The following PTPRT variants were observed in gnomAD, a reference collection of about 807,000 sequenced individuals.
PTPRT encodes the protein protein tyrosine phosphatase receptor type T.
A neutral mutation model predicts 176.8 loss-of-function variants in PTPRT; 56 were observed. The ratio of observed to expected loss-of-function variants is 0.32; its 90% CI spans 0.26 to 0.40. The LOEUF is 0.40. PTPRT is among the 10% of genes least tolerant of loss of function. PTPRT has a pLI of 1.00. For synonymous variants in PTPRT, 783 were observed against 739.0 expected (o/e 1.06, Z -0.96); for missense variants, 1,540 against 1,908.2 (o/e 0.81, Z 3.60).
Position 42,651,829 on chromosome 20 carries a change from C to G in PTPRT, c.1153+26037G>C, listed in dbSNP as rs1285374254. 2.0e-5 allele frequency among the ~76,000 whole-genome samples: 3 copies of G among 152,142 alleles called. No individual in the cohort carries two copies. The East Asian group carries it at 5.8e-4, about 29-fold the overall frequency. ...TGGGAGGCTGAGGTGGGTGGATCAT[C>G]TGAGGTCAGGAGTTCAAGATCAGCC... On this transcript the variant is annotated intron_variant, in intron 7 of 30. Transcript: ENST00000373187.
intron 11 of PTPRT, among the ~76,000 whole-genome samples, chr20:42,320,125 C>T (rs891665958): frequency 6.6e-6 from 1 of 152,154 alleles, no homozygotes; most frequent in African/African-American, 2.4e-5. Flanking sequence ...AAGAGTTATA[C>T]TGTGCCCCCA....
At chr20:42,340,584 C>T (rs532118189) in intron 11 of PTPRT, among the ~76,000 whole-genome samples, 3 of 152,306 alleles carry the variant, frequency 2.0e-5, no homozygotes, top group Admixed American at 6.5e-5. Context: ...GAGCAGGCAT[C>T]GTGCAGAATG....
At chr20:42,886,422 A>C (rs1388026109) in intron 1 of PTPRT, among the ~76,000 whole-genome samples, 1 of 152,194 alleles carries the variant, frequency 6.6e-6, no homozygotes, top group Non-Finnish European at 1.5e-5. Flanking sequence ...ATACGGAGGG[A>C]AATGTCCAAC....
At chr20:42,549,566 C>T (rs1394211410) in intron 7 of PTPRT, among the ~76,000 whole-genome samples, 1 of 152,142 alleles carries the variant, frequency 6.6e-6, no homozygotes, top group Non-Finnish European at 1.5e-5. Flanking sequence ...AACTCAACTA[C>T]CTGCACTAGA....
intron 13 of PTPRT, among the ~76,000 whole-genome samples, chr20:42,255,273 T>C (rs2056618502): frequency 6.6e-6 from 1 of 152,246 alleles, no homozygotes; most frequent in Admixed American, 6.5e-5. Flanking sequence ...TGTGATTTGA[T>C]ATTCTCATTT....
At chr20:42,103,233 C>T (rs1986118885) in intron 25 of PTPRT, among the ~76,000 whole-genome samples, 1 of 152,200 alleles carries the variant, frequency 6.6e-6, no homozygotes, top group Non-Finnish European at 1.5e-5. Context: ...ATCAATGTTG[C>T]CACAGCTCTG....
At chr20:42,396,614 T>C (rs985833206) in intron 9 of PTPRT, among the ~76,000 whole-genome samples, 1 of 152,218 alleles carries the variant, frequency 6.6e-6, no homozygotes, top group Non-Finnish European at 1.5e-5. Flanking sequence ...TAGGCTATAG[T>C]GCAGTGGTGT....
chr20:42,231,235 G>A (rs1200865250), intron 15 of PTPRT, among the ~76,000 whole-genome samples: 1 of 152,214 alleles, frequency 6.6e-6, no homozygotes. Context: ...CTTCAACCTG[G>A]CTGCTGTGCT....
intron 7 of PTPRT, among the ~76,000 whole-genome samples, chr20:42,643,149 TG>T (rs1277824870): frequency 6.6e-6 from 1 of 152,126 alleles, no homozygotes; most frequent in Non-Finnish European, 1.5e-5. Context: ...AGCATTATTA[TG>T]GCAATAGCTG....
intron 7 of PTPRT, among the ~76,000 whole-genome samples, chr20:42,664,884 G>A (rs1402155462): frequency 2.0e-5 from 3 of 152,186 alleles, no homozygotes; most frequent in Non-Finnish European, 2.9e-5. Flanking sequence ...TGGGAAAACC[G>A]GGTAGCCATA....
intron 9 of PTPRT, among the ~76,000 whole-genome samples, chr20:42,401,910 A>C (rs918133459): frequency 6.6e-6 from 1 of 152,198 alleles, no homozygotes; most frequent in Non-Finnish European, 1.5e-5. Flanking sequence ...CTGGGGAAGC[A>C]GGGTGTCTTG....
chr20:43,101,337 A>C (rs2012385222), intron 1 of PTPRT, among the ~76,000 whole-genome samples: 1 of 152,118 alleles, frequency 6.6e-6, no homozygotes, highest in African/African-American at 2.4e-5. Flanking sequence ...ACACGCTGGG[A>C]ATCAGCATAG....
chr20:42,628,990 A>C (rs6093705), intron 7 of PTPRT, among the ~76,000 whole-genome samples: 58,789 of 151,940 alleles, frequency 0.39, 13,553 homozygotes, highest in African/African-American at 0.65. Context: ...GATCTATTTA[A>C]CTCAAAAGGC....
At chr20:42,323,392 A>C (rs2057832881) in intron 11 of PTPRT, among the ~76,000 whole-genome samples, 1 of 152,192 alleles carries the variant, frequency 6.6e-6, no homozygotes, top group African/African-American at 2.4e-5. Context: ...TGGATTAAGA[A>C]AATGTGGCAC....
chr20:42,093,057 G>C (rs910306145), intron 27 of PTPRT, among the ~76,000 whole-genome samples: 1 of 152,212 alleles, frequency 6.6e-6, no homozygotes, highest in Non-Finnish European at 1.5e-5. Context: ...TCAGGGGTTA[G>C]GATGTGGACA....
chr20:42,468,545 T>C (rs1257387232), intron 8 of PTPRT, among the ~76,000 whole-genome samples: 1 of 152,230 alleles, frequency 6.6e-6, no homozygotes, highest in Non-Finnish European at 1.5e-5. Context: ...AGAGCAGGAA[T>C]TGATGCTTTA....
intron 6 of PTPRT, among the ~76,000 whole-genome samples, chr20:42,698,000 A>T (rs1465646248): frequency 2.6e-5 from 4 of 152,250 alleles, no homozygotes; most frequent in East Asian, 1.9e-4. Context: ...AACTTTTTTT[A>T]AAAAAAGAAT....
chr20:43,040,576 T>C (rs550011053), intron 1 of PTPRT, among the ~76,000 whole-genome samples: 29 of 152,356 alleles, frequency 1.9e-4, no homozygotes, highest in Admixed American at 4.6e-4. Context: ...ATTGTTCTAC[T>C]TTCCCCAGAA....
chr20:42,679,455 A>T (rs2075565156), intron 6 of PTPRT, among the ~76,000 whole-genome samples: 1 of 152,160 alleles, frequency 6.6e-6, no homozygotes, highest in Non-Finnish European at 1.5e-5. Flanking sequence ...AAAAAATCAA[A>T]CTGAATATAT....
Sources: allele counts gnomAD v4.1 joint callset (sites outside exome capture counted in the v4.1 genomes callset), GRCh38; gene constraint gnomAD v4.1.1; transcripts MANE v1.5; gene names NCBI Gene and HGNC (gene_info 2026-07-23, HGNC 2026-07-21).